Variants in PRKCH observed in about 807,000 individuals in gnomAD.
PRKCH encodes the protein protein kinase C eta type.
A neutral mutation model predicts 82.5 loss-of-function variants in PRKCH; 28 were observed. The ratio of observed to expected loss-of-function variants is 0.34; its 90% CI spans 0.25 to 0.47. PRKCH has a LOEUF of 0.47. PRKCH is among the 20% of genes least tolerant of loss of function. The probability of loss-of-function intolerance (pLI) is 1.00; values close to 1 mark genes in which losing one functional copy is unlikely to be tolerated. For missense variants in PRKCH, 705 were observed against 881.8 expected (o/e 0.80, Z 2.54); for synonymous variants, 322 against 327.4 (o/e 0.98, Z 0.18).
At chr14:61,529,924 A>G (rs974926701) in intron 11 of PRKCH, among the ~76,000 whole-genome samples, 2 of 152,030 alleles carry the variant, frequency 1.3e-5, no homozygotes, top group African/African-American at 4.8e-5. Context: ...ATATATATAT[A>G]TATGTAAACT....
intron 2 of PRKCH, among the ~76,000 whole-genome samples, chr14:61,396,751 G>A (rs1250792423): frequency 2.6e-5 from 4 of 152,172 alleles, no homozygotes; most frequent in African/African-American, 9.7e-5. Context: ...GAGTGTGGAG[G>A]TGCTAAAGGT....
At position 61,450,738 on chromosome 14, in the gene PRKCH, G is replaced by A. The variant is rs1884468330; in HGVS notation, c.703-104G>A. On this transcript the variant is annotated intron_variant, in intron 5 of 13. Transcript: ENST00000332981. ...ACAGTAAAATAATATACCTAGCTCA[G>A]GTGTCATAGTGACACTTTGCATTTG... 5 of 1,349,568 alleles carry A rather than the reference G, an allele frequency of 3.7e-6. No individual in the cohort carries two copies. The Admixed American group carries it at 1.1e-4, about 29-fold the overall frequency. 83.6% of individuals were successfully genotyped at this position (1,349,568 alleles called of 1,614,324 possible). A position where few individuals can be genotyped will look rare whatever the true frequency, so the allele number is the denominator to read the frequency against.
intron 12 of PRKCH, among the ~76,000 whole-genome samples, chr14:61,534,774 C>G (rs1219483448): frequency 6.6e-6 from 1 of 152,158 alleles, no homozygotes; most frequent in Non-Finnish European, 1.5e-5. Context: ...CACCCTAGAC[C>G]TCATGTGACT....
At chr14:61,292,355 A>G (rs1484254124) in intron 1 of PRKCH, among the ~76,000 whole-genome samples, 1 of 151,688 alleles carries the variant, frequency 6.6e-6, no homozygotes, top group African/African-American at 2.4e-5. Flanking sequence ...GGTAGTGCAC[A>G]TATGTGGTCC....
chr14:61,211,318 A>AGC (rs2044578564), intron 1 of PRKCH, among the ~76,000 whole-genome samples: 1 of 152,194 alleles, frequency 6.6e-6, no homozygotes, highest in Non-Finnish European at 1.5e-5. Flanking sequence ...CAACCTTCGG[A>AGC]GCCTCAACAT....
At chr14:61,513,106 G>C (rs1858799433) in intron 10 of PRKCH, among the ~76,000 whole-genome samples, 1 of 152,120 alleles carries the variant, frequency 6.6e-6, no homozygotes. Flanking sequence ...TAGCATAAAA[G>C]ATTTACCACC....
chr14:61,322,428 G>T lies in PRKCH; in HGVS notation c.327G>T (p.Leu109=). ...ANCTLQFQEL[L]RTTGASDTFE... ...GCACCCTGCAGTTCCAGGAGCTGCTGCGCACGACCGGCGCCTCGGACACCT... is the reference window on the plus strand; with the variant it reads ...GCACCCTGCAGTTCCAGGAGCTGCTTCGCACGACCGGCGCCTCGGACACCT... Residue 109 remains leucine (L), a synonymous_variant, in exon 1 of 14, where the codon CTG becomes CTT. Coordinates refer to ENST00000332981, the MANE Select transcript of PRKCH (RefSeq NM_006255.5). The T allele has an allele frequency of 1.9e-6, 3 of 1,598,480 alleles. No individual in the cohort carries two copies. Among genetic ancestry groups the T allele is most frequent in the Non-Finnish European group, 2.6e-6 (3 of 1,167,494 alleles).
At chr14:61,417,267 A>G (rs1882606531) in intron 2 of PRKCH, among the ~76,000 whole-genome samples, 1 of 152,160 alleles carries the variant, frequency 6.6e-6, no homozygotes, top group South Asian at 2.1e-4. Flanking sequence ...CAATTGCTTT[A>G]CCACATAGAA....
chr14:61,534,080 A>C (rs2043076713), intron 12 of PRKCH, among the ~76,000 whole-genome samples: 2 of 152,228 alleles, frequency 1.3e-5, no homozygotes, highest in African/African-American at 4.8e-5. Context: ...GCCATTTAAC[A>C]CATTACTTAA....
intron 1 of PRKCH, among the ~76,000 whole-genome samples, chr14:61,263,021 A>C (rs963546064): frequency 6.6e-6 from 1 of 152,210 alleles, no homozygotes; most frequent in Admixed American, 6.5e-5. Context: ...ACATATTCTC[A>C]TCATTGGTCC....
chr14:61,213,270 C>G (rs1402666648), intron 1 of PRKCH, among the ~76,000 whole-genome samples: 1 of 152,196 alleles, frequency 6.6e-6, no homozygotes, highest in Non-Finnish European at 1.5e-5. Flanking sequence ...ATCACAAAGT[C>G]AAGGAAGAGT....
chr14:61,485,404 G>T, intron 9 of PRKCH, 98 bp from the exon 10 acceptor site: 2 of 1,421,732 alleles, frequency 1.4e-6, no homozygotes, highest in Non-Finnish European at 1.9e-6. Flanking sequence ...CCACTTGACA[G>T]TGTCCTCTCT....
chr14:61,267,499 T>C (rs2045114106), intron 1 of PRKCH, among the ~76,000 whole-genome samples: 1 of 152,190 alleles, frequency 6.6e-6, no homozygotes, highest in Admixed American at 6.5e-5. Flanking sequence ...GCTACCCTTC[T>C]TGTGATCCTG....
chr14:61,340,805 C>A (rs573364883), intron 1 of PRKCH, among the ~76,000 whole-genome samples: 33 of 152,198 alleles, frequency 2.2e-4, no homozygotes, highest in Admixed American at 3.9e-4. Flanking sequence ...GCTCCTCCTC[C>A]CATTTTCCCG....
At chr14:61,429,065 G>C (rs1332367054) in intron 2 of PRKCH, among the ~76,000 whole-genome samples, 4 of 152,192 alleles carry the variant, frequency 2.6e-5, no homozygotes, top group African/African-American at 4.8e-5. Context: ...ATTAAAGCAA[G>C]AGGGAATTAC....
chr14:61,210,615 ATT>A (rs2044567263), intron 1 of PRKCH, among the ~76,000 whole-genome samples: 1 of 152,164 alleles, frequency 6.6e-6, no homozygotes. Context: ...AAAAACATTG[ATT>A]TAGACCCAGC....
At chr14:61,535,947 C>T (rs985868929) in intron 12 of PRKCH, among the ~76,000 whole-genome samples, 1 of 152,162 alleles carries the variant, frequency 6.6e-6, no homozygotes, top group Non-Finnish European at 1.5e-5. Context: ...TTGTTAAAAC[C>T]ACCATATAAA....
chr14:61,367,722 T>A (rs1032603473), intron 1 of PRKCH, among the ~76,000 whole-genome samples: 6 of 151,248 alleles, frequency 4.0e-5, no homozygotes, highest in Non-Finnish European at 7.4e-5. Context: ...ACTCCTTTTT[T>A]TTTTTTTTTT....
chr14:61,510,306 G>A (rs1336018191), intron 10 of PRKCH, among the ~76,000 whole-genome samples: 2 of 152,190 alleles, frequency 1.3e-5, no homozygotes, highest in Non-Finnish European at 2.9e-5. Flanking sequence ...GTGTGTTAGA[G>A]TAAGTAACAG....
Sources: allele counts gnomAD v4.1 joint callset (sites outside exome capture counted in the v4.1 genomes callset), GRCh38; gene constraint gnomAD v4.1.1; transcripts MANE v1.5; gene names NCBI Gene and HGNC (gene_info 2026-07-23, HGNC 2026-07-21).